SYTL5: variants seen among roughly 807,000 people sequenced by gnomAD.
SYTL5 encodes synaptotagmin-like protein 5.
Under a neutral mutation model 55.9 loss-of-function variants are expected in SYTL5, and 34 were observed. That is an observed-to-expected ratio of 0.61 (90% CI 0.46 to 0.81). The LOEUF is 0.81. Among genes scored for constraint, SYTL5 ranks in the 30% least tolerant of loss-of-function variants. The probability of loss-of-function intolerance (pLI) is 0.00; values close to 1 mark genes in which losing one functional copy is unlikely to be tolerated. For synonymous variants in SYTL5, 221 were observed against 188.7 expected (o/e 1.17, Z -1.40); for missense variants, 637 against 546.7 (o/e 1.17, Z -1.65).
chrX:38,076,540 A>T, intron 5 of SYTL5, 27 bp from the exon 6 acceptor site: 1 of 1,059,717 alleles, frequency 9.4e-7, no homozygotes, highest in Non-Finnish European at 1.3e-6. Context: ...TTCTTATCTA[A>T]TTTTAAATAC....
At chrX:38,007,204 A>T (rs1391027908) in intron 1 of SYTL5, among the ~76,000 whole-genome samples, 1 of 111,960 alleles carries the variant, frequency 8.9e-6, no homozygotes, top group Non-Finnish European at 1.9e-5. Context: ...ACAAATATCC[A>T]GTATGGATAT....
At chrX:38,099,759 C>T (rs1250904571) in intron 9 of SYTL5, among the ~76,000 whole-genome samples, 1 of 111,159 alleles carries the variant, frequency 9.0e-6, no homozygotes, top group Non-Finnish European at 1.9e-5. Context: ...TTCTTTATCT[C>T]ATTTGTTGAG....
the SYTL5 span, among the ~76,000 whole-genome samples, chrX:37,905,268 C>T: frequency 1.8e-5 from 2 of 110,642 alleles, no homozygotes; most frequent in African/African-American, 6.6e-5. Context: ...AGACTTGCAG[C>T]CTCCTCCACA....
chrX:38,034,041 G>C, intron 2 of SYTL5, 33 bp downstream of exon 2: 3 of 886,392 alleles, frequency 3.4e-6, no homozygotes, highest in Non-Finnish European at 4.8e-6. Flanking sequence ...AGTCCTCCTT[G>C]ACTGCTTTCT....
the SYTL5 span, among the ~76,000 whole-genome samples, chrX:37,959,234 G>A: frequency 9.0e-6 from 1 of 111,590 alleles, no homozygotes; most frequent in South Asian, 3.8e-4. Flanking sequence ...CGCAGACCCT[G>A]ACCTAAACGA....
the SYTL5 span, among the ~76,000 whole-genome samples, chrX:37,977,317 G>A: frequency 8.3e-4 from 91 of 110,240 alleles, no homozygotes; most frequent in Non-Finnish European, 1.6e-3. Context: ...CTCAGTACTA[G>A]GGATGGAAAA....
At chrX:38,114,002 G>A (rs976114375) in intron 13 of SYTL5, among the ~76,000 whole-genome samples, 23 of 111,484 alleles carry the variant, frequency 2.1e-4, no homozygotes, top group Middle Eastern at 9.3e-3. Context: ...ACTCTCCATG[G>A]AACTTTGCCT....
At chrX:37,962,327 G>GT in the SYTL5 span, among the ~76,000 whole-genome samples, 3 of 109,949 alleles carry the variant, frequency 2.7e-5, no homozygotes, top group Non-Finnish European at 3.8e-5. Context: ...TGCAGTGTTT[G>GT]TTTTTTTTGT....
upstream of SYTL5, among the ~76,000 whole-genome samples, chrX:38,002,895 T>G (rs145639376): frequency 0.4 from 43,817 of 110,445 alleles, 6,429 homozygotes; most frequent in Middle Eastern, 0.47. Flanking sequence ...GTCAATTTTG[T>G]CTTTTGTTGC....
At chrX:38,069,584 A>G (rs1434384005) in intron 3 of SYTL5, among the ~76,000 whole-genome samples, 1 of 111,809 alleles carries the variant, frequency 8.9e-6, no homozygotes, top group Admixed American at 9.5e-5. Context: ...AATCTTTCTC[A>G]TATTTGCAAT....
At chrX:37,970,503 T>G in the SYTL5 span, among the ~76,000 whole-genome samples, 2 of 111,048 alleles carry the variant, frequency 1.8e-5, no homozygotes, top group Admixed American at 9.7e-5. Context: ...AGAATATTTT[T>G]TTAAAAAAGG....
At chrX:37,891,244 A>C in the SYTL5 span, among the ~76,000 whole-genome samples, 1 of 112,360 alleles carries the variant, frequency 8.9e-6, no homozygotes, top group Non-Finnish European at 1.9e-5. Context: ...CCATCAATTC[A>C]TTAATGTATA....
the SYTL5 span, among the ~76,000 whole-genome samples, chrX:37,995,754 A>G: frequency 8.9e-6 from 1 of 112,506 alleles, no homozygotes; most frequent in African/African-American, 3.2e-5. Flanking sequence ...GGGTAATGGC[A>G]GTGAACTGAT....
chrX:38,108,492 C>A, intron 11 of SYTL5, 108 bp from the exon 12 acceptor site: 1 of 522,788 alleles, frequency 1.9e-6, no homozygotes, highest in Admixed American at 3.3e-5. Context: ...TTGGTATTTC[C>A]GCTCATGCTC....
At chrX:38,066,905 T>C (rs1936113427) in intron 3 of SYTL5, among the ~76,000 whole-genome samples, 1 of 111,692 alleles carries the variant, frequency 9.0e-6, no homozygotes, top group African/African-American at 3.3e-5. Context: ...GTCTGTAAAT[T>C]GGTAATGGTA....
At chrX:38,074,092 T>C (rs1158654648) in intron 5 of SYTL5, among the ~76,000 whole-genome samples, 1 of 111,716 alleles carries the variant, frequency 9.0e-6, no homozygotes, top group Non-Finnish European at 1.9e-5. Flanking sequence ...AAAATAAAGA[T>C]TTATTAATTG....
intron 13 of SYTL5, among the ~76,000 whole-genome samples, 160 bp from the exon 14 acceptor site, chrX:38,120,198 T>TA (rs1937554355): frequency 8.9e-6 from 1 of 112,485 alleles, no homozygotes; most frequent in Non-Finnish European, 1.9e-5. Context: ...TGTTTTCTCT[T>TA]ACCTCAGTCA....
At chrX:37,895,236 T>G in the SYTL5 span, among the ~76,000 whole-genome samples, 2 of 112,352 alleles carry the variant, frequency 1.8e-5, no homozygotes, top group Admixed American at 1.9e-4. Flanking sequence ...GCTCAAAGAC[T>G]TAAGTTCAAA....
chrX:38,039,086 A>C (rs1311296395), intron 2 of SYTL5, among the ~76,000 whole-genome samples: 1 of 111,785 alleles, frequency 8.9e-6, no homozygotes, highest in African/African-American at 3.3e-5. Context: ...AATTACCTCC[A>C]GGCATAAATC....
Sources: allele counts gnomAD v4.1 joint callset (sites outside exome capture counted in the v4.1 genomes callset), GRCh38; gene constraint gnomAD v4.1.1; transcripts MANE v1.5; gene names NCBI Gene and HGNC (gene_info 2026-07-23, HGNC 2026-07-21).